The following LRP1B variants were observed in gnomAD, a reference collection of about 807,000 sequenced individuals.
The protein encoded by LRP1B is low-density lipoprotein receptor-related protein 1B.
Under a neutral mutation model 556.6 loss-of-function variants are expected in LRP1B, and 217 were observed. The observed-to-expected ratio is 0.39, with a 90% CI of 0.35 to 0.44. The LOEUF is 0.44. LRP1B is among the 20% of genes least tolerant of loss of function. LRP1B has a pLI of 1.00. For missense variants in LRP1B, 5,053 were observed against 5,620.8 expected, an observed-to-expected ratio of 0.90 and a Z score of 3.23; for synonymous variants, 2,047 against 1,865.8, an observed-to-expected ratio of 1.10 and a Z score of -2.50.
At chr2:141,716,058 T>C (rs1268410240) in intron 2 of LRP1B, among the ~76,000 whole-genome samples, 2 of 152,182 alleles carry the variant, frequency 1.3e-5, no homozygotes, top group Non-Finnish European at 1.5e-5. Context: ...GCTAGAATTA[T>C]ATATGGACCC....
intron 7 of LRP1B, among the ~76,000 whole-genome samples, chr2:141,181,727 C>G (rs540236768): frequency 6.6e-6 from 1 of 151,870 alleles, no homozygotes; most frequent in Non-Finnish European, 1.5e-5. Flanking sequence ...CTGTTGTATT[C>G]CCAGGCTAAG....
At chr2:141,985,052 A>T (rs574773527) in intron 1 of LRP1B, among the ~76,000 whole-genome samples, 6 of 152,300 alleles carry the variant, frequency 3.9e-5, no homozygotes, top group African/African-American at 1.2e-4. Flanking sequence ...ATTTTGACTC[A>T]TACATTAACA....
chr2:141,968,599 C>G (rs1701630784), intron 1 of LRP1B, among the ~76,000 whole-genome samples: 1 of 151,400 alleles, frequency 6.6e-6, no homozygotes, highest in South Asian at 2.1e-4. Context: ...ACAGAGTACA[C>G]ATGAAAAAAA....
At chr2:140,785,730 C>G (rs1053890409) in intron 32 of LRP1B, among the ~76,000 whole-genome samples, 1 of 151,978 alleles carries the variant, frequency 6.6e-6, no homozygotes, top group Non-Finnish European at 1.5e-5. Context: ...GTATTTCTAC[C>G]TAAATACAAC....
intron 3 of LRP1B, among the ~76,000 whole-genome samples, chr2:141,475,532 T>C (rs1682666911): frequency 6.6e-6 from 1 of 152,056 alleles, no homozygotes; most frequent in Non-Finnish European, 1.5e-5. Flanking sequence ...GGCCCCATCC[T>C]CAAGCCTGGA....
intron 62 of LRP1B, among the ~76,000 whole-genome samples, chr2:140,455,634 C>T (rs550600133): frequency 2.0e-5 from 3 of 152,112 alleles, no homozygotes; most frequent in Non-Finnish European, 2.9e-5. Context: ...TATGATACTC[C>T]TAAATCTAAT....
chr2:141,857,290 GCAGTTGATTC>G (rs1409217089), intron 1 of LRP1B, among the ~76,000 whole-genome samples: 3 of 151,716 alleles, frequency 2.0e-5, no homozygotes, highest in African/African-American at 7.3e-5. Flanking sequence ...TTAGAAGGTT[GCAGTTGATTC>G]CTAGCTTTCA....
At chr2:141,448,720 G>C (rs1002414922) in intron 3 of LRP1B, among the ~76,000 whole-genome samples, 1 of 152,120 alleles carries the variant, frequency 6.6e-6, no homozygotes, top group Non-Finnish European at 1.5e-5. Context: ...CCCTCCACGG[G>C]CTAAACCCAC....
intron 1 of LRP1B, among the ~76,000 whole-genome samples, chr2:142,004,069 T>C (rs901738453): frequency 2.0e-5 from 3 of 152,164 alleles, no homozygotes; most frequent in Non-Finnish European, 2.9e-5. Flanking sequence ...TGTTCCAAGG[T>C]CCTATGGCTA....
chr2:141,494,399 G>A (rs1379098827), intron 2 of LRP1B, among the ~76,000 whole-genome samples: 1 of 151,966 alleles, frequency 6.6e-6, no homozygotes, highest in Non-Finnish European at 1.5e-5. Flanking sequence ...AGCCTTAACT[G>A]GGCTTGAGTT....
chr2:141,723,029 C>G (rs1458578224), intron 2 of LRP1B, among the ~76,000 whole-genome samples: 3 of 152,034 alleles, frequency 2.0e-5, no homozygotes, highest in African/African-American at 7.2e-5. Flanking sequence ...TTATTATTGC[C>G]TACTTGCATT....
chr2:141,408,332 G>T (rs918717267), intron 3 of LRP1B, among the ~76,000 whole-genome samples: 6 of 151,802 alleles, frequency 4.0e-5, no homozygotes, highest in Admixed American at 3.9e-4. Flanking sequence ...TTTTAGTAGA[G>T]ATGGCGTTTC....
chr2:140,715,859 A>T, intron 37 of LRP1B, 114 bp downstream of exon 37: 1 of 796,248 alleles, frequency 1.3e-6, no homozygotes, highest in Non-Finnish European at 1.9e-6. Flanking sequence ...CTGCTTAGGT[A>T]AGATATTCTT....
chr2:140,233,130 A>G lies in LRP1B; in HGVS notation c.*56T>C. 1 of 1,172,374 alleles carries G rather than the reference A, an allele frequency of 8.5e-7. No homozygotes were observed. The highest frequency in any genetic ancestry group is 1.2e-6 in the Non-Finnish European group (1 of 845,422). The allele number at this position is 1,172,374 out of a possible 1,614,324, so 72.6% of individuals were successfully genotyped here. A position where few individuals can be genotyped will look rare whatever the true frequency, so the allele number is the denominator to read the frequency against. ...AACAAGTATAATACTGTTGGAACAT[A>G]CAAAAGTAATCCTTATATTTTATAC... On this transcript the variant is annotated 3_prime_UTR_variant, in exon 91 of 91. Coordinates refer to ENST00000389484, the MANE Select transcript of LRP1B (RefSeq NM_018557.3).
intron 3 of LRP1B, among the ~76,000 whole-genome samples, chr2:141,460,779 T>A (rs13408702): frequency 0.082 from 12,528 of 152,154 alleles, 702 homozygotes; most frequent in South Asian, 0.26. Context: ...TAATAATATA[T>A]CCTGAAGAAT....
chr2:141,194,056 G>A (rs750119604), intron 6 of LRP1B, among the ~76,000 whole-genome samples: 21 of 152,064 alleles, frequency 1.4e-4, no homozygotes, highest in Non-Finnish European at 2.1e-4. Context: ...CACTTTCATT[G>A]TCCAGTACAA....
At chr2:141,132,788 G>T (rs1330586828) in intron 7 of LRP1B, among the ~76,000 whole-genome samples, 1 of 151,782 alleles carries the variant, frequency 6.6e-6, no homozygotes, top group African/African-American at 2.4e-5. Context: ...ATATATATTT[G>T]GGAGCATGTG....
intron 11 of LRP1B, among the ~76,000 whole-genome samples, chr2:141,043,202 CA>C (rs1381511423): frequency 4.5e-5 from 2 of 44,010 alleles, no homozygotes; most frequent in Admixed American, 3.1e-4. Context: ...GACTCTGTCT[CA>C]AAAAAAATAA....
At chr2:142,105,527 T>C (rs1706716256) in intron 1 of LRP1B, among the ~76,000 whole-genome samples, 1 of 152,160 alleles carries the variant, frequency 6.6e-6, no homozygotes, top group Non-Finnish European at 1.5e-5. Flanking sequence ...CTATTTTCTA[T>C]GGAATTTTCT....
Sources: allele counts gnomAD v4.1 joint callset (sites outside exome capture counted in the v4.1 genomes callset), GRCh38; gene constraint gnomAD v4.1.1; transcripts MANE v1.5; gene names NCBI Gene and HGNC (gene_info 2026-07-23, HGNC 2026-07-21).